The following ANO2 variants were observed in gnomAD, a reference collection of about 807,000 sequenced individuals.
ANO2 encodes anoctamin 2.
ANO2 carries 101 observed loss-of-function variants against 124.2 expected under a neutral mutation model. The ratio of observed to expected loss-of-function variants is 0.81; its 90% CI spans 0.69 to 0.96. ANO2 has a LOEUF of 0.96. Ranked by LOEUF, ANO2 falls within the 40% of genes least tolerant of loss-of-function variation. The pLI, the probability that ANO2 is intolerant of heterozygous loss-of-function variation, is 0.00. For missense variants in ANO2, 1,293 were observed against 1,274.5 expected, an observed-to-expected ratio of 1.01 and a Z score of -0.22; for synonymous variants, 486 against 482.5, an observed-to-expected ratio of 1.01 and a Z score of -0.09.
At chr12:5,807,039 A>G (rs1375652292) in intron 8 of ANO2, among the ~76,000 whole-genome samples, 1 of 152,224 alleles carries the variant, frequency 6.6e-6, no homozygotes, top group Non-Finnish European at 1.5e-5. Context: ...TTTGCTAAAA[A>G]TAAAGCTAGG....
rs529450783 is a variant in ANO2 at position 5,735,639 on chromosome 12, C to T, written c.1435-3009G>A. Among the ~76,000 whole-genome samples, 11 of 152,196 alleles carry T rather than the reference C, an allele frequency of 7.2e-5. No individual in the cohort carries two copies. The East Asian group carries it at 2.1e-3, about 29-fold the overall frequency. ...CTTCAGATTGGGGAGTTGGGGGAGG[C>T]CAATCTGAAGACGGCAATGTTTTCA... On this transcript the variant is annotated intron_variant, in intron 13 of 24. Coordinates refer to ENST00000682330, the MANE Select transcript of ANO2 (RefSeq NM_001364791.2).
At chr12:5,796,521 T>G in intron 10 of ANO2, among the ~76,000 whole-genome samples, 1 of 149,846 alleles carries the variant, frequency 6.7e-6, no homozygotes, top group East Asian at 2.0e-4. Flanking sequence ...ACGAACACAT[T>G]CTCACACTCA....
At chr12:5,840,988 A>G (rs1453834527) in intron 4 of ANO2, among the ~76,000 whole-genome samples, 3 of 152,144 alleles carry the variant, frequency 2.0e-5, no homozygotes, top group Non-Finnish European at 4.4e-5. Flanking sequence ...GCAAGTCACC[A>G]GCTGGGCAAG....
At chr12:5,741,817 T>A (rs1239389023) in intron 12 of ANO2, among the ~76,000 whole-genome samples, 1 of 152,186 alleles carries the variant, frequency 6.6e-6, no homozygotes, top group Non-Finnish European at 1.5e-5. Context: ...GATTAAGTAA[T>A]CTGCCCAAGG....
intron 14 of ANO2, among the ~76,000 whole-genome samples, chr12:5,717,446 G>A (rs946241451): frequency 2.0e-5 from 3 of 152,214 alleles, no homozygotes; most frequent in Non-Finnish European, 2.9e-5. Flanking sequence ...TCAGAGGTTT[G>A]TTCTAAAGAG....
chr12:5,857,791 T>C (rs941705179), intron 3 of ANO2, among the ~76,000 whole-genome samples: 19 of 151,796 alleles, frequency 1.3e-4, no homozygotes, highest in African/African-American at 4.4e-4. Flanking sequence ...GATAGATAGA[T>C]AGATAGATAG....
intron 14 of ANO2, among the ~76,000 whole-genome samples, chr12:5,665,776 C>G (rs1326046719): frequency 6.7e-6 from 1 of 150,046 alleles, no homozygotes; most frequent in Non-Finnish European, 1.5e-5. Context: ...CCCTGACTCA[C>G]TGCATGGTTG....
At chr12:5,646,943 T>G (rs559948664) in intron 15 of ANO2, among the ~76,000 whole-genome samples, 1 of 152,208 alleles carries the variant, frequency 6.6e-6, no homozygotes, top group Non-Finnish European at 1.5e-5. Flanking sequence ...AGACCAATTT[T>G]TGGAATAAGT....
At chr12:5,860,452 A>G (rs1312009478) in intron 3 of ANO2, among the ~76,000 whole-genome samples, 1 of 152,204 alleles carries the variant, frequency 6.6e-6, no homozygotes, top group Non-Finnish European at 1.5e-5. Flanking sequence ...TACCTGACGT[A>G]TAGTAAGTGC....
chr12:5,888,753 A>G lies in ANO2; in HGVS notation c.534+32287T>C, dbSNP rs567437509. Among the ~76,000 whole-genome samples, 794 of 152,178 alleles carry G rather than the reference A, an allele frequency of 5.2e-3. 6 individuals carry two copies. Among genetic ancestry groups the G allele is most frequent in the African/African-American group, 0.019 (770 of 41,478 alleles). On this transcript the variant is annotated intron_variant, in intron 3 of 24. Coordinates refer to ENST00000682330, the MANE Select transcript of ANO2 (RefSeq NM_001364791.2). Reference sequence around the variant, plus strand: ...AACCTTGAGCTAGATACAGAGTGCCAATTGGTGTATTTACAATCCCTTAGC... The same window carrying G: ...AACCTTGAGCTAGATACAGAGTGCCGATTGGTGTATTTACAATCCCTTAGC...
intron 14 of ANO2, among the ~76,000 whole-genome samples, chr12:5,666,715 C>A (rs1015349797): frequency 1.3e-5 from 2 of 152,148 alleles, no homozygotes; most frequent in African/African-American, 4.8e-5. Flanking sequence ...TCTTTGGTGG[C>A]TGTGGGGCAA....
chr12:5,930,904 T>C (rs1319394375), intron 1 of ANO2, among the ~76,000 whole-genome samples: 1 of 152,164 alleles, frequency 6.6e-6, no homozygotes, highest in Non-Finnish European at 1.5e-5. Context: ...TCCTGGGCTC[T>C]GCTTGTCTTA....
intron 3 of ANO2, among the ~76,000 whole-genome samples, chr12:5,913,062 C>T (rs1321605247): frequency 6.6e-6 from 1 of 152,130 alleles, no homozygotes; most frequent in Non-Finnish European, 1.5e-5. Flanking sequence ...CATAGAAATA[C>T]ACCACGCCCC....
intron 14 of ANO2, among the ~76,000 whole-genome samples, chr12:5,705,466 G>A (rs542869377): frequency 1.0e-3 from 156 of 152,252 alleles, no homozygotes; most frequent in Non-Finnish European, 1.8e-3. Flanking sequence ...CCAGGATCAC[G>A]TGAATCTATC....
chr12:5,905,733 G>A (rs954001255), intron 3 of ANO2, among the ~76,000 whole-genome samples: 1 of 152,154 alleles, frequency 6.6e-6, no homozygotes, highest in African/African-American at 2.4e-5. Flanking sequence ...AGCCAGAGAG[G>A]GTTGAAAGAA....
intron 1 of ANO2, among the ~76,000 whole-genome samples, chr12:5,939,995 C>A (rs2362481): frequency 6.6e-6 from 1 of 151,952 alleles, no homozygotes; most frequent in African/African-American, 2.4e-5. Flanking sequence ...AGTAGGCTCT[C>A]AGATCCAGTT....
At chr12:5,745,236 T>C (rs1326086317) in intron 11 of ANO2, among the ~76,000 whole-genome samples, 4 of 152,176 alleles carry the variant, frequency 2.6e-5, no homozygotes, top group Non-Finnish European at 4.4e-5. Flanking sequence ...CATACACTGA[T>C]AGGAAAAATG....
intron 15 of ANO2, among the ~76,000 whole-genome samples, chr12:5,642,174 C>A (rs1168469325): frequency 1.3e-5 from 2 of 152,152 alleles, no homozygotes; most frequent in East Asian, 3.8e-4. Context: ...CTTTTCAATT[C>A]TCTTTTCTGT....
chr12:5,592,264 TA>T (rs572481301), intron 20 of ANO2, among the ~76,000 whole-genome samples: 188 of 152,202 alleles, frequency 1.2e-3, no homozygotes, highest in Admixed American at 2.3e-3. Context: ...GTGTTGCGAC[TA>T]GAGAGGAATA....
Sources: allele counts gnomAD v4.1 joint callset (sites outside exome capture counted in the v4.1 genomes callset), GRCh38; gene constraint gnomAD v4.1.1; transcripts MANE v1.5; gene names NCBI Gene and HGNC (gene_info 2026-07-23, HGNC 2026-07-21).